KIAA1217: variants seen among roughly 807,000 people sequenced by gnomAD.
KIAA1217 encodes the protein sickle tail protein homolog.
In KIAA1217, 88 loss-of-function variants were observed where a neutral mutation model predicts 163.9. The observed-to-expected ratio is 0.54, with a 90% CI of 0.45 to 0.64. KIAA1217 has a LOEUF of 0.64. Among genes scored for constraint, KIAA1217 ranks in the 30% least tolerant of loss-of-function variants. The pLI is 0.00. For missense variants in KIAA1217, 2,372 were observed against 2,475.0 expected, an observed-to-expected ratio of 0.96 and a Z score of 0.88; for synonymous variants, 903 against 923.1, an observed-to-expected ratio of 0.98 and a Z score of 0.39.
At chr10:23,724,520 A>T (rs1016931908) in intron 1 of KIAA1217, among the ~76,000 whole-genome samples, 4 of 152,150 alleles carry the variant, frequency 2.6e-5, no homozygotes, top group Admixed American at 6.6e-5. Context: ...TATCCAAGGT[A>T]TTTTTACAAT....
chr10:24,397,471 C>T (rs79099517), intron 3 of KIAA1217, among the ~76,000 whole-genome samples: 2,728 of 152,238 alleles, frequency 0.018, 97 homozygotes, highest in African/African-American at 0.062. Flanking sequence ...CTATGCTAGG[C>T]GGTATCTAAC....
At chr10:24,122,110 G>A (rs989762607) in intron 2 of KIAA1217, among the ~76,000 whole-genome samples, 14 of 152,094 alleles carry the variant, frequency 9.2e-5, no homozygotes, top group African/African-American at 3.4e-4. Flanking sequence ...CCATCACCCA[G>A]GTGTGAACAT....
At chr10:24,499,905 C>A (rs2067303875) in intron 8 of KIAA1217, among the ~76,000 whole-genome samples, 1 of 152,132 alleles carries the variant, frequency 6.6e-6, no homozygotes, top group Non-Finnish European at 1.5e-5. Context: ...GGATGAAGAC[C>A]ATGGGGCGCC....
At chr10:23,703,688 T>TA (rs1836643511) in intron 1 of KIAA1217, among the ~76,000 whole-genome samples, 1 of 152,070 alleles carries the variant, frequency 6.6e-6, no homozygotes, top group Non-Finnish European at 1.5e-5. Flanking sequence ...AACAATGATG[T>TA]AAAAGAAAGG....
At chr10:24,044,906 G>A (rs762894879) in intron 2 of KIAA1217, among the ~76,000 whole-genome samples, 1 of 151,948 alleles carries the variant, frequency 6.6e-6, no homozygotes, top group Non-Finnish European at 1.5e-5. Flanking sequence ...GCTTTTCTCT[G>A]CATTCCTCAG....
Position 24,484,222 on chromosome 10 carries a change from TAC to T in KIAA1217, c.1679+10164_1679+10165del, listed in dbSNP as rs1185999375. Among the ~76,000 whole-genome samples the T allele has an allele frequency of 2.2e-3, 275 of 124,634 alleles. 1 individual carries two copies. The highest frequency in any genetic ancestry group is 8.4e-3 in the African/African-American group (264 of 31,544). The allele number at this position is 124,634 out of a possible 152,430, so 81.8% of individuals were successfully genotyped here. A position where few individuals can be genotyped will look rare whatever the true frequency, so the allele number is the denominator to read the frequency against. The stretch of plus-strand genomic sequence containing the variant: ...ATACATATATATAGATAGATAGATA[TAC>T]ATATATATATATATATATTTTTTTT... On this transcript the variant is annotated intron_variant, in intron 6 of 20. Coordinates refer to ENST00000376454, the MANE Select transcript of KIAA1217 (RefSeq NM_019590.5).
chr10:24,466,759 GT>G, intron 5 of KIAA1217: 1 of 985,418 alleles, frequency 1.0e-6, no homozygotes, highest in Non-Finnish European at 1.2e-6. Flanking sequence ...TACTCACGGC[GT>G]TAGTTACACA....
Position 24,490,706 on chromosome 10 carries a change from G to A in KIAA1217, c.1680-3794G>A, listed in dbSNP as rs79464656. 5.3e-4 allele frequency among the ~76,000 whole-genome samples: 81 copies of A among 152,284 alleles called. No individual in the cohort carries two copies. In the East Asian group the frequency reaches 0.013, roughly 25 times the overall value. ...GGTCAAGAGAGTAGAGCATACACTTGTATTCGGTGCTCTGTGTGCTCCCAC... is the reference window on the plus strand; with the variant it reads ...GGTCAAGAGAGTAGAGCATACACTTATATTCGGTGCTCTGTGTGCTCCCAC... On this transcript the variant is annotated intron_variant, in intron 6 of 20. Coordinates refer to ENST00000376454, the MANE Select transcript of KIAA1217 (RefSeq NM_019590.5).
chr10:24,300,987 A>G (rs1564431266), intron 2 of KIAA1217, among the ~76,000 whole-genome samples: 1 of 151,984 alleles, frequency 6.6e-6, no homozygotes, highest in Non-Finnish European at 1.5e-5. Context: ...TGATTTTTGT[A>G]TTTTTAGTAG....
chr10:23,982,738 A>G (rs1845824929), intron 1 of KIAA1217, among the ~76,000 whole-genome samples: 1 of 151,478 alleles, frequency 6.6e-6, no homozygotes, highest in East Asian at 2.0e-4. Context: ...TAATTTTTGT[A>G]TTTTTAGTAG....
chr10:24,019,404 AT>A (rs1322958317), intron 2 of KIAA1217, among the ~76,000 whole-genome samples: 1 of 151,868 alleles, frequency 6.6e-6, no homozygotes, highest in African/African-American at 2.4e-5. Context: ...TGCAAAAAAA[AT>A]TTAAAAAATA....
intron 1 of KIAA1217, among the ~76,000 whole-genome samples, chr10:23,983,184 C>T (rs887126731): frequency 6.6e-6 from 1 of 151,968 alleles, no homozygotes; most frequent in Admixed American, 6.6e-5. Context: ...TAGAGCGAAG[C>T]CCAAATTCAG....
chr10:23,898,919 TA>T (rs1841833297), intron 1 of KIAA1217, among the ~76,000 whole-genome samples: 1 of 152,124 alleles, frequency 6.6e-6, no homozygotes, highest in Admixed American at 6.6e-5. Context: ...TCCTTCCTTT[TA>T]AAGGCAAAAT....
chr10:24,251,417 A>C (rs1223349298), intron 2 of KIAA1217, among the ~76,000 whole-genome samples: 24 of 146,748 alleles, frequency 1.6e-4, no homozygotes, highest in African/African-American at 5.9e-4. Flanking sequence ...AAAAAAAAAA[A>C]AAAAACAAGA....
intron 1 of KIAA1217, among the ~76,000 whole-genome samples, chr10:23,939,998 T>C (rs1843688624): frequency 6.6e-6 from 1 of 151,068 alleles, no homozygotes; most frequent in Non-Finnish European, 1.5e-5. Context: ...ATATTAAATA[T>C]CAGATGCAGT....
intron 1 of KIAA1217, among the ~76,000 whole-genome samples, chr10:23,737,255 A>G (rs1044545059): frequency 1.3e-5 from 2 of 152,186 alleles, no homozygotes; most frequent in African/African-American, 4.8e-5. Context: ...GCTGGAGCAC[A>G]GTGCATGATC....
chr10:24,299,451 G>T (rs2041028397), intron 2 of KIAA1217, among the ~76,000 whole-genome samples: 2 of 152,010 alleles, frequency 1.3e-5, no homozygotes, highest in African/African-American at 4.8e-5. Flanking sequence ...TTGCTCTGTT[G>T]CCCAGGCTCT....
At chr10:23,723,968 A>G (rs1427702386) in intron 1 of KIAA1217, among the ~76,000 whole-genome samples, 2 of 152,198 alleles carry the variant, frequency 1.3e-5, no homozygotes, top group African/African-American at 4.8e-5. Flanking sequence ...TTCGAATCAT[A>G]GCGGAAGATA....
At chr10:24,427,617 A>G (rs1318017558) in intron 3 of KIAA1217, among the ~76,000 whole-genome samples, 1 of 152,166 alleles carries the variant, frequency 6.6e-6, no homozygotes, top group African/African-American at 2.4e-5. Context: ...ATACATACAC[A>G]TGGTTTCTGA....
Sources: allele counts gnomAD v4.1 joint callset (sites outside exome capture counted in the v4.1 genomes callset), GRCh38; gene constraint gnomAD v4.1.1; transcripts MANE v1.5; gene names NCBI Gene and HGNC (gene_info 2026-07-23, HGNC 2026-07-21).